Variants in CLDN16 observed in about 807,000 individuals in gnomAD.
CLDN16 encodes the protein claudin 16.
A neutral mutation model predicts 24.6 loss-of-function variants in CLDN16; 13 were observed. The ratio of observed to expected loss-of-function variants is 0.53; its 90% confidence interval spans 0.34 to 0.84. The LOEUF is 0.84. Among genes scored for constraint, CLDN16 ranks in the 40% least tolerant of loss-of-function variants. The probability of loss-of-function intolerance (pLI) is 0.01; values close to 1 mark genes in which losing one functional copy is unlikely to be tolerated. For missense variants in CLDN16, 298 were observed against 292.7 expected (o/e 1.02, Z -0.13); for synonymous variants, 116 against 106.7 (o/e 1.09, Z -0.54).
At chr3:190,345,162 G>T (rs1461317890) in intron 1 of CLDN16, among the ~76,000 whole-genome samples, 1 of 152,072 alleles carries the variant, frequency 6.6e-6, no homozygotes, top group African/African-American at 2.4e-5. Flanking sequence ...GGTTCTTGTT[G>T]TCTTACCAGC....
upstream of CLDN16, among the ~76,000 whole-genome samples, chr3:190,384,406 C>A (rs1159594596): frequency 6.6e-6 from 1 of 152,098 alleles, no homozygotes; most frequent in East Asian, 1.9e-4. Context: ...ACCTGCAGAC[C>A]AAAAGGACAA....
chr3:190,394,741 T>A (rs1363403245), intron 1 of CLDN16, among the ~76,000 whole-genome samples: 1 of 152,120 alleles, frequency 6.6e-6, no homozygotes, highest in Admixed American at 6.5e-5. Flanking sequence ...TGATATGAGG[T>A]GATTATTGAA....
chr3:190,350,344 T>TATA (rs1560085135), intron 1 of CLDN16, among the ~76,000 whole-genome samples: 48 of 142,062 alleles, frequency 3.4e-4, no homozygotes, highest in African/African-American at 1.1e-3. Context: ...GTTCATAATG[T>TATA]TATATATATA....
At chr3:190,335,753 CT>C (rs1717290421) in intron 1 of CLDN16, among the ~76,000 whole-genome samples, 1 of 151,064 alleles carries the variant, frequency 6.6e-6, no homozygotes, top group Non-Finnish European at 1.5e-5. Flanking sequence ...AGGGCATGCC[CT>C]GAATAAATGA....
At position 190,410,904 on chromosome 3, in the gene CLDN16, A is replaced by C. The variant is rs1447125696; in HGVS notation, c.*868A>C. ...ATCAGCACCAAGCAATATATTAGAC[A>C]TATGGCAAAATTCAACAAATATATT... On this transcript the variant is annotated 3_prime_UTR_variant, in exon 5 of 5. Coordinates refer to ENST00000264734, the MANE Select transcript of CLDN16 (RefSeq NM_006580.4). 1.3e-5 allele frequency: 2 copies of C among 152,240 alleles called. No homozygotes were observed. The highest frequency in any genetic ancestry group is 3.8e-4 in the East Asian group (2 of 5,202). The allele number at this position is 152,240 out of a possible 1,614,324, so 9.4% of individuals were successfully genotyped here. A position where few individuals can be genotyped will look rare whatever the true frequency, so the allele number is the denominator to read the frequency against.
intron 1 of CLDN16, among the ~76,000 whole-genome samples, chr3:190,326,364 G>A (rs548512334): frequency 4.6e-5 from 7 of 152,254 alleles, no homozygotes; most frequent in South Asian, 4.1e-4. Context: ...TAGTTAAATC[G>A]TAGTGAAAAG....
chr3:190,401,720 A>G (rs1001632633), intron 1 of CLDN16, among the ~76,000 whole-genome samples: 1 of 152,196 alleles, frequency 6.6e-6, no homozygotes, highest in Admixed American at 6.5e-5. Flanking sequence ...TACATCCTTT[A>G]CATAGCTTAA....
the CLDN16 span, among the ~76,000 whole-genome samples, chr3:190,316,280 A>G: frequency 6.6e-6 from 1 of 152,230 alleles, no homozygotes; most frequent in Non-Finnish European, 1.5e-5. Flanking sequence ...CATCCTGGCA[A>G]CTATTGACTT....
At chr3:190,308,214 T>C in the CLDN16 span, 1 of 1,575,246 alleles carries the variant, frequency 6.3e-7, no homozygotes, top group Non-Finnish European at 8.7e-7. Flanking sequence ...CTAATGTTAA[T>C]GATAGTATCT....
intron 2 of CLDN16, among the ~76,000 whole-genome samples, chr3:190,404,383 A>G (rs973851603): frequency 6.6e-6 from 1 of 152,230 alleles, no homozygotes; most frequent in African/African-American, 2.4e-5. Flanking sequence ...TTTATTAAGA[A>G]ATTTTTGTAG....
chr3:190,307,775 C>T, the CLDN16 span: 776 of 152,886 alleles, frequency 5.1e-3, 6 homozygotes, highest in African/African-American at 0.017. Flanking sequence ...GGCAAAGGCA[C>T]CCAAAGCTAA....
At chr3:190,406,086 G>A (rs1291563047) in intron 3 of CLDN16, among the ~76,000 whole-genome samples, 1 of 152,176 alleles carries the variant, frequency 6.6e-6, no homozygotes, top group Non-Finnish European at 1.5e-5. Context: ...TTCCTGATCT[G>A]CAAAGAGGCA....
the CLDN16 span, among the ~76,000 whole-genome samples, chr3:190,314,493 CAA>C: frequency 6.6e-6 from 1 of 151,924 alleles, no homozygotes; most frequent in Non-Finnish European, 1.5e-5. Flanking sequence ...CTCTGGGGCT[CAA>C]GCGATTCTCA....
rs757602181 is a variant in CLDN16, at chr3:190,410,015, T to C, written c.687T>C (p.Tyr229=). 15 of 1,614,146 alleles carry C rather than the reference T, an allele frequency of 9.3e-6. No individual in the cohort carries two copies. In the East Asian group the frequency reaches 3.1e-4, roughly 34 times the overall value. ...CTCGCACAGAGACGGCCAAAATGTATGCTGTAGACACAAGGGTGTAAAATG... is the reference window on the plus strand; with the variant it reads ...CTCGCACAGAGACGGCCAAAATGTACGCTGTAGACACAAGGGTGTAAAATG... ...SAPRTETAKM[Y]AVDTRV is the part of the protein sequence containing the mutation. Residue 229 remains tyrosine (Y), a synonymous_variant, in exon 5 of 5, where the codon TAT becomes TAC. Transcript: ENST00000264734.
chr3:190,381,817 A>G (rs1290304473), intron 3 of CLDN16, among the ~76,000 whole-genome samples: 2 of 152,052 alleles, frequency 1.3e-5, no homozygotes, highest in African/African-American at 4.8e-5. Context: ...AGTATCCTAC[A>G]TTTCCTGGCA....
chr3:190,398,195 C>G (rs1718867239), intron 1 of CLDN16, among the ~76,000 whole-genome samples: 2 of 152,198 alleles, frequency 1.3e-5, no homozygotes, highest in Non-Finnish European at 2.9e-5. Context: ...TACAAACTGT[C>G]TCTAATATAC....
chr3:190,313,809 AT>A, the CLDN16 span, among the ~76,000 whole-genome samples: 1 of 152,134 alleles, frequency 6.6e-6, no homozygotes, highest in Non-Finnish European at 1.5e-5. Flanking sequence ...TCCCATCATT[AT>A]TTTTGGTGTA....
upstream of CLDN16, among the ~76,000 whole-genome samples, chr3:190,385,545 G>C (rs953843978): frequency 6.7e-6 from 1 of 149,380 alleles, no homozygotes; most frequent in Non-Finnish European, 1.5e-5. Context: ...GTGACCATTA[G>C]GAGCGAATGA....
At chr3:190,385,464 T>C (rs138144725), upstream of CLDN16, among the ~76,000 whole-genome samples, 157 of 152,312 alleles carry the variant, frequency 1.0e-3, no homozygotes, top group African/African-American at 3.4e-3. Flanking sequence ...CTAAGAGTAG[T>C]AAACTTAAAT....
Sources: gnomAD v4.1 joint callset for allele counts (sites outside exome capture counted in the v4.1 genomes callset) on GRCh38, gnomAD v4.1.1 for gene constraint, MANE v1.5 for transcripts, NCBI Gene and HGNC (gene_info 2026-07-23, HGNC 2026-07-21) for gene names.